SPTB: variants seen among roughly 807,000 people sequenced by gnomAD.
The protein encoded by SPTB is spectrin beta, erythrocytic.
In SPTB, 45 loss-of-function variants were observed where a neutral mutation model predicts 256.2. That is an observed-to-expected ratio of 0.18 (90% CI 0.14 to 0.23). SPTB has a LOEUF of 0.23. Ranked by LOEUF, SPTB falls within the 10% of genes least tolerant of loss-of-function variation. The pLI is 1.00. For synonymous variants in SPTB, 1,231 were observed against 1,243.1 expected, an observed-to-expected ratio of 0.99 and a Z score of 0.21; for missense variants, 2,715 against 3,040.4, an observed-to-expected ratio of 0.89 and a Z score of 2.52.
chr14:64,786,159 G>T lies in SPTB; in HGVS notation c.3562-208C>A, dbSNP rs1376666209. On this transcript the variant is annotated intron_variant, in intron 16 of 35. Coordinates refer to ENST00000644917, the MANE Select transcript of SPTB (RefSeq NM_001355436.2). This position sits in a 1 kb window ranked among gnomAD's most constrained non-coding sequence, Gnocchi z 5.6. ...ATAAACAGTGTGCCTAAAGCCACAT[G>T]GAAGGCTAACCACCCAGGGCAAAAT... is the stretch of plus-strand genomic sequence containing the variant. Among the ~76,000 whole-genome samples, 1 of 152,100 alleles carries T rather than the reference G, an allele frequency of 6.6e-6. No homozygotes were observed. Among genetic ancestry groups the T allele is most frequent in the Non-Finnish European group, 1.5e-5 (1 of 68,034 alleles).
chr14:64,791,897 C>T, intron 14 of SPTB, 41 bp from the exon 15 acceptor site: 2 of 1,613,090 alleles, frequency 1.2e-6, no homozygotes, highest in East Asian at 2.2e-5. Flanking sequence ...GGTGAGGCGG[C>T]AGCAGACATT....
At position 64,748,215 on chromosome 14, in the gene SPTB, TTACTGTC is replaced by T. The variant is rs2139410375; in HGVS notation, c.*1084_*1090del. Reference sequence around the variant, plus strand: ...ACCCCGAGAAAACAGATGATCAACTTTACTGTCTGCCCAGCCATTACCCTCCAAAGTC... The same window carrying T: ...ACCCCGAGAAAACAGATGATCAACTTTGCCCAGCCATTACCCTCCAAAGTC... On this transcript the variant is annotated 3_prime_UTR_variant, in exon 36 of 36. Transcript: ENST00000644917. The T allele has an allele frequency of 2.7e-5, 4 of 149,786 alleles. No individual in the cohort carries two copies. The South Asian group carries it at 8.3e-4, about 31-fold the overall frequency. 9.3% of individuals were successfully genotyped at this position (149,786 alleles called of 1,614,324 possible). A position where few individuals can be genotyped will look rare whatever the true frequency, so the allele number is the denominator to read the frequency against.
rs2081918070 is a variant in SPTB, at chr14:64,749,918, GC to G, written c.6776+62del. On this transcript the variant is annotated intron_variant, in intron 34 of 35. Coordinates refer to ENST00000644917, the MANE Select transcript of SPTB (RefSeq NM_001355436.2). The surrounding 1 kb of genome is among the most constrained non-coding windows in gnomAD (Gnocchi z 4.7). ...CACTGGTCCCCTACAGAGGGCCTCT[GC>G]CCTGCCACTAATGCCAAATCAAGCC... 13 of 1,607,460 alleles carry G rather than the reference GC, an allele frequency of 8.1e-6. No individual in the cohort carries two copies. Among genetic ancestry groups the G allele is most frequent in the Admixed American group, 1.7e-5 (1 of 59,976 alleles).
intron 2 of SPTB, among the ~76,000 whole-genome samples, chr14:64,819,596 G>A (rs1374458887): frequency 2.6e-5 from 4 of 152,158 alleles, no homozygotes; most frequent in South Asian, 2.1e-4. Flanking sequence ...CAGGTCTGGG[G>A]GAAGGGGAAA....
chr14:64,834,991 T>A (rs2083501695), intron 1 of SPTB, among the ~76,000 whole-genome samples: 1 of 152,212 alleles, frequency 6.6e-6, no homozygotes, highest in South Asian at 2.1e-4. Flanking sequence ...AAATAATATA[T>A]AAGTTATGGG....
intron 1 of SPTB, among the ~76,000 whole-genome samples, chr14:64,874,308 C>A (rs1450947134): frequency 6.6e-6 from 1 of 152,122 alleles, no homozygotes; most frequent in African/African-American, 2.4e-5. Context: ...TCCTGTACAC[C>A]CTCTCTCTCA....
In SPTB at chr14:64,779,800, G is replaced by A. The variant is rs764659000; in HGVS notation, c.4398C>T (p.Pro1466=). 4 of 1,613,990 alleles carry A rather than the reference G, an allele frequency of 2.5e-6. No homozygotes were observed. In the Admixed American group the frequency reaches 6.7e-5, roughly 27 times the overall value. The change falls in exon 21 of 36, where the codon CCC becomes CCT. Residue 1466 remains proline (P), a synonymous_variant. Coordinates refer to ENST00000644917, the MANE Select transcript of SPTB (RefSeq NM_001355436.2). The surrounding 1 kb of genome is among the most constrained non-coding windows in gnomAD (Gnocchi z 4.2). ...IEKRFLDLLE[P]LGRRKKQLES... Reference sequence around the variant, plus strand: ...CCAGCTGCTTCTTCCTCCTTCCTAGGGGTTCCAGGAGGTCCAGGAACCGCT... The same window carrying A: ...CCAGCTGCTTCTTCCTCCTTCCTAGAGGTTCCAGGAGGTCCAGGAACCGCT...
At chr14:64,838,063 GAAGA>G (rs964840544) in intron 1 of SPTB, among the ~76,000 whole-genome samples, 16 of 152,192 alleles carry the variant, frequency 1.1e-4, no homozygotes, top group Non-Finnish European at 1.2e-4. Flanking sequence ...AGTATGGCAA[GAAGA>G]TAGACATATA....
Position 64,802,109 on chromosome 14 carries a change from C to T in SPTB, c.566+117G>A, listed in dbSNP as rs906899739. The T allele has an allele frequency of 2.9e-6, 3 of 1,030,264 alleles. No homozygotes were observed. In the African/African-American group the frequency reaches 4.7e-5, roughly 16 times the overall value. The allele number at this position is 1,030,264 out of a possible 1,614,324, so 63.8% of individuals were successfully genotyped here. On this transcript the variant is annotated intron_variant, in intron 5 of 35. Coordinates refer to ENST00000644917, the MANE Select transcript of SPTB (RefSeq NM_001355436.2). The surrounding 1 kb of genome is among the most constrained non-coding windows in gnomAD (Gnocchi z 5.1). ...GTCAGGACAGACTTTGCATCAATTA[C>T]AGGGAGGCAGCTGTAGTTCTGGGTG...
At chr14:64,791,207 A>C (rs919912454) in intron 15 of SPTB, among the ~76,000 whole-genome samples, 2 of 151,930 alleles carry the variant, frequency 1.3e-5, no homozygotes, top group African/African-American at 2.4e-5. Flanking sequence ...GCTGTTCACC[A>C]CCTCAATCAT....
intron 31 of SPTB, 107 bp downstream of exon 31, chr14:64,767,196 T>G: frequency 9.7e-5 from 139 of 1,426,050 alleles, no homozygotes; most frequent in Middle Eastern, 3.5e-4. Flanking sequence ...GTGCCCAGTG[T>G]GAGAAGTCAA....
At chr14:64,761,617 G>A (rs1315910826) in intron 32 of SPTB, among the ~76,000 whole-genome samples, 3 of 152,190 alleles carry the variant, frequency 2.0e-5, no homozygotes, top group African/African-American at 7.2e-5. Context: ...AGTGAATGGA[G>A]GGGAAGGGGA....
chr14:64,793,466 C>G lies in SPTB; in HGVS notation c.2197G>C (p.Ala733Pro), dbSNP rs772434433. Residue 733 changes from alanine (A) to proline (P), a missense_variant, in exon 14 of 36, where the codon GCC becomes CCC. Ala to Pro is a conservative substitution (Grantham distance 27). Transcript: ENST00000644917. The surrounding 1 kb of genome is among the most constrained non-coding windows in gnomAD (Gnocchi z 7.0). Reference sequence around the variant, plus strand: ...TCCTGGAGGTTCTTCTTGCAGAAGGCAGCCAGGTCCTTCAGCTGGTCCCAC... The same window carrying G: ...TCCTGGAGGTTCTTCTTGCAGAAGGGAGCCAGGTCCTTCAGCTGGTCCCAC... ...AQWDQLKDLA[A>P]FCKKNLQDAE... 212 of 1,614,002 alleles carry G rather than the reference C, an allele frequency of 1.3e-4. No homozygotes were observed. Among genetic ancestry groups the G allele is most frequent in the Admixed American group, 8.3e-4 (50 of 60,006 alleles).
chr14:64,791,102 G>A (rs1594779790), intron 15 of SPTB, among the ~76,000 whole-genome samples: 1 of 152,280 alleles, frequency 6.6e-6, no homozygotes, highest in South Asian at 2.1e-4. Flanking sequence ...CTAAGTTTGG[G>A]CACACTTGGG....
rs148718822 is a variant in SPTB, at chr14:64,793,223, G to A, written c.2440C>T (p.Arg814Trp). Residue 814 changes from arginine (R) to tryptophan (W), a missense_variant, in exon 14 of 36, where the codon CGG (arginine) becomes TGG (tryptophan). Arg to Trp is a moderately radical substitution (Grantham distance 101, BLOSUM62 -3). Around this residue, in one of 4 missense-constraint regions of SPTB, gnomAD observed 2,239 missense variants for 2,384.4 expected, o/e 0.94. Coordinates refer to ENST00000644917, the MANE Select transcript of SPTB (RefSeq NM_001355436.2). The surrounding 1 kb of genome is among the most constrained non-coding windows in gnomAD (Gnocchi z 7.0). ...CGATGGGTCACATCTGGGGAATCCC[G>A]AAACTCTTCGGGGAATCCCTGGGCC... is the stretch of plus-strand genomic sequence containing the variant. ...QQAQGFPEEF[R>W]DSPDVTHRLQ... 5.0e-6 allele frequency: 8 copies of A among 1,610,884 alleles called. No individual in the cohort carries two copies. The highest frequency in any genetic ancestry group is 3.3e-5 in the South Asian group (3 of 91,090).
intron 2 of SPTB, among the ~76,000 whole-genome samples, chr14:64,817,634 A>C (rs572752932): frequency 1.0e-3 from 156 of 152,326 alleles, no homozygotes; most frequent in African/African-American, 3.7e-3. Flanking sequence ...CTCCCTGAGA[A>C]ATCACTTGCC....
At chr14:64,808,365 C>G (rs142221574) in intron 2 of SPTB, among the ~76,000 whole-genome samples, 1,867 of 152,204 alleles carry the variant, frequency 0.012, 16 homozygotes, top group Admixed American at 0.018. Context: ...TCCTCATTCC[C>G]TGCTATGTGT....
At chr14:64,838,492 A>G (rs973376039) in intron 1 of SPTB, among the ~76,000 whole-genome samples, 1 of 152,240 alleles carries the variant, frequency 6.6e-6, no homozygotes, top group South Asian at 2.1e-4. Context: ...CAAAACATGT[A>G]TCTGATAAAG....
rs778832044 is a variant in SPTB at position 64,825,743 on chromosome 14, C to T, written c.-51-2598G>A. Among the ~76,000 whole-genome samples, 5 of 152,218 alleles carry T rather than the reference C, an allele frequency of 3.3e-5. No individual in the cohort carries two copies. The highest frequency in any genetic ancestry group is 5.9e-5 in the Non-Finnish European group (4 of 68,040). On this transcript the variant is annotated intron_variant, in intron 1 of 35. Coordinates refer to ENST00000644917, the MANE Select transcript of SPTB (RefSeq NM_001355436.2). The surrounding 1 kb of genome is among the most constrained non-coding windows in gnomAD (Gnocchi z 4.8). The stretch of plus-strand genomic sequence containing the variant: ...AGTGAGATTACCTTTGCCATGGCTC[C>T]GTAAATAAGTCTGCCCCAGAAAGAT...
Sources: allele counts gnomAD v4.1 joint callset (sites outside exome capture counted in the v4.1 genomes callset), GRCh38; gene constraint gnomAD v4.1.1; regional missense constraint gnomAD v4.1.1; non-coding constraint Gnocchi (gnomAD v3.1); transcripts MANE v1.5; gene names NCBI Gene and HGNC (gene_info 2026-07-23, HGNC 2026-07-21).